UBE4B: variants seen among roughly 807,000 people sequenced by gnomAD.
UBE4B encodes ubiquitin conjugation factor E4 B.
Under a neutral mutation model 148.1 loss-of-function variants are expected in UBE4B, and 27 were observed. That is an observed-to-expected ratio of 0.18 (90% CI 0.13 to 0.25). The LOEUF is 0.25. Ranked by LOEUF, UBE4B falls within the 10% of genes least tolerant of loss-of-function variation. The pLI is 1.00. For missense variants in UBE4B, 1,170 were observed against 1,662.4 expected (o/e 0.70, Z 5.15); for synonymous variants, 596 against 619.3 (o/e 0.96, Z 0.56).
intron 3 of UBE4B, among the ~76,000 whole-genome samples, chr1:10,099,793 T>C (rs1039240339): frequency 6.6e-6 from 1 of 151,930 alleles, no homozygotes; most frequent in South Asian, 2.1e-4. Flanking sequence ...CAGTAATGAG[T>C]CTCCAGAAAT....
chr1:10,085,213 G>T (rs1481087310), intron 2 of UBE4B, among the ~76,000 whole-genome samples: 1 of 152,180 alleles, frequency 6.6e-6, no homozygotes, highest in African/African-American at 2.4e-5. Context: ...TGGACTGAGA[G>T]CCACACCCTG....
Position 10,105,881 on chromosome 1 carries a change from A to G in UBE4B, c.809+137A>G, listed in dbSNP as rs1473558210. ...ATATCATATTTGGGGAGGTGGATTT[A>G]GTCATTGGAAGTGGAATTCTCTTTT... On this transcript the variant is annotated intron_variant, in intron 6 of 27. Transcript: ENST00000343090. 3 of 968,968 alleles carry G rather than the reference A, an allele frequency of 3.1e-6. No individual in the cohort carries two copies. In the East Asian group the frequency reaches 7.9e-5, roughly 25 times the overall value. The allele number at this position is 968,968 out of a possible 1,614,324, so 60.0% of individuals were successfully genotyped here.
intron 2 of UBE4B, among the ~76,000 whole-genome samples, chr1:10,082,416 A>G (rs1052464970): frequency 1.3e-5 from 2 of 152,044 alleles, no homozygotes; most frequent in Non-Finnish European, 2.9e-5. Context: ...CATGAGAATC[A>G]CTTGAACCTG....
chr1:10,159,072 GTT>G (rs1182149408), intron 22 of UBE4B, among the ~76,000 whole-genome samples: 1 of 151,714 alleles, frequency 6.6e-6, no homozygotes, highest in East Asian at 1.9e-4. Flanking sequence ...TGGGTTAAGT[GTT>G]TTTTTGGTGT....
At chr1:10,138,523 C>T (rs1201380339) in intron 17 of UBE4B, among the ~76,000 whole-genome samples, 2 of 152,122 alleles carry the variant, frequency 1.3e-5, no homozygotes, top group African/African-American at 2.4e-5. Context: ...TGTGAGCCAC[C>T]GTGCCTGGCC....
chr1:10,178,542 G>C, intron 25 of UBE4B, 102 bp from the exon 26 acceptor site: 2 of 1,245,874 alleles, frequency 1.6e-6, no homozygotes. Context: ...TTTTTTAGTG[G>C]GGGAAAATCC....
intron 5 of UBE4B, among the ~76,000 whole-genome samples, chr1:10,104,165 T>C (rs1481120152): frequency 6.6e-6 from 1 of 152,234 alleles, no homozygotes; most frequent in Non-Finnish European, 1.5e-5. Context: ...AAGCCATGTA[T>C]AGACGGTGGA....
intron 25 of UBE4B, among the ~76,000 whole-genome samples, chr1:10,176,245 C>G (rs1646427577): frequency 6.6e-6 from 1 of 152,198 alleles, no homozygotes; most frequent in South Asian, 2.1e-4. Context: ...TTATCCTCAT[C>G]CATTGATAGA....
At chr1:10,140,016 C>G (rs1205637251) in intron 17 of UBE4B, among the ~76,000 whole-genome samples, 1 of 152,176 alleles carries the variant, frequency 6.6e-6, no homozygotes, top group Non-Finnish European at 1.5e-5. Flanking sequence ...CCACTGCACC[C>G]GGCCCATTTT....
intron 1 of UBE4B, among the ~76,000 whole-genome samples, chr1:10,064,760 T>C (rs1644353778): frequency 1.3e-5 from 2 of 151,632 alleles, no homozygotes; most frequent in South Asian, 4.2e-4. Flanking sequence ...AACTTTCTAT[T>C]CTGGACTTTT....
chr1:10,125,214 AT>A (rs1405072751), intron 10 of UBE4B, among the ~76,000 whole-genome samples: 3 of 152,248 alleles, frequency 2.0e-5, no homozygotes, highest in African/African-American at 7.2e-5. Flanking sequence ...AGAAAGTGTA[AT>A]TATATTTTAC....
At chr1:10,053,343 G>A (rs985551423) in intron 1 of UBE4B, among the ~76,000 whole-genome samples, 1 of 151,936 alleles carries the variant, frequency 6.6e-6, no homozygotes, top group Non-Finnish European at 1.5e-5. Context: ...TAGAGACGGG[G>A]TTTCACTGTG....
intron 4 of UBE4B, among the ~76,000 whole-genome samples, chr1:10,101,401 A>C (rs759929574): frequency 6.6e-6 from 1 of 150,612 alleles, no homozygotes; most frequent in African/African-American, 2.4e-5. Context: ...GATAATATCC[A>C]TCTGTTTTTG....
At chr1:10,142,089 C>G (rs1314601852) in intron 17 of UBE4B, among the ~76,000 whole-genome samples, 1 of 151,852 alleles carries the variant, frequency 6.6e-6, no homozygotes, top group Non-Finnish European at 1.5e-5. Context: ...GAGGTAGCCA[C>G]TCCACATCCT....
At chr1:10,033,984 C>A (rs1252062604) in intron 1 of UBE4B, among the ~76,000 whole-genome samples, 1 of 151,970 alleles carries the variant, frequency 6.6e-6, no homozygotes, top group East Asian at 1.9e-4. Flanking sequence ...TCAGGGTATG[C>A]GAACAAGAAG....
chr1:10,093,528 T>G (rs757481697), intron 2 of UBE4B, among the ~76,000 whole-genome samples: 2 of 152,150 alleles, frequency 1.3e-5, no homozygotes, highest in Non-Finnish European at 2.9e-5. Context: ...AAGAACTGCT[T>G]TCAGGAATGG....
chr1:10,159,262 A>G (rs960290169), intron 22 of UBE4B, among the ~76,000 whole-genome samples: 1 of 152,204 alleles, frequency 6.6e-6, no homozygotes, highest in Non-Finnish European at 1.5e-5. Flanking sequence ...ACCTACCTGA[A>G]ATCTGAGTGA....
chr1:10,171,466 C>T lies in UBE4B; in HGVS notation c.3525+137C>T, dbSNP rs543026567. On this transcript the variant is annotated intron_variant, in intron 25 of 27. Transcript: ENST00000343090. ...TTTGAGTGTGAAGAGCAGATTTGGGCTGGGCGCGGTGGCTCAGGCCTGTAA... is the reference window on the plus strand; with the variant it reads ...TTTGAGTGTGAAGAGCAGATTTGGGTTGGGCGCGGTGGCTCAGGCCTGTAA... 2.8e-5 allele frequency: 31 copies of T among 1,122,074 alleles called. No individual in the cohort carries two copies. The South Asian group carries it at 4.1e-4, about 15-fold the overall frequency. 69.5% of individuals were successfully genotyped at this position (1,122,074 alleles called of 1,614,324 possible). A position where few individuals can be genotyped will look rare whatever the true frequency, so the allele number is the denominator to read the frequency against.
In UBE4B at chr1:10,103,067, A is replaced by G. The variant is rs768503602; in HGVS notation, c.555A>G (p.Ala185=). 1.2e-6 allele frequency: 2 copies of G among 1,612,078 alleles called. No individual in the cohort carries two copies. Among genetic ancestry groups the G allele is most frequent in the South Asian group, 2.2e-5 (2 of 91,016 alleles). Reference sequence around the variant, plus strand: ...TCATCTTTCTTTCTTCTCTTTCTGCACAGTTTAAGCAGAACCCAAAAGAAG... The same window carrying G: ...TCATCTTTCTTTCTTCTCTTTCTGCGCAGTTTAAGCAGAACCCAAAAGAAG... The part of the protein sequence containing the change: ...RDVIFLSSLS[A]QFKQNPKEVF... Residue 185 remains alanine (A), a synonymous_variant, in exon 5 of 28, where the codon GCA becomes GCG. Transcript: ENST00000343090.
Sources: allele counts gnomAD v4.1 joint callset (sites outside exome capture counted in the v4.1 genomes callset), GRCh38; gene constraint gnomAD v4.1.1; transcripts MANE v1.5; gene names NCBI Gene and HGNC (gene_info 2026-07-23, HGNC 2026-07-21).